The following TLL1 variants were observed in gnomAD, a reference collection of about 807,000 sequenced individuals.
TLL1 encodes tolloid-like protein 1.
In TLL1, 49 loss-of-function variants were observed where a neutral mutation model predicts 128.2. The ratio of observed to expected loss-of-function variants is 0.38; its 90% confidence interval spans 0.30 to 0.48. The LOEUF is 0.48. Among genes scored for constraint, TLL1 ranks in the 20% least tolerant of loss-of-function variants. The pLI, the probability that TLL1 is intolerant of heterozygous loss-of-function variation, is 0.96. For synonymous variants in TLL1, 454 were observed against 418.8 expected (o/e 1.08, Z -1.03); for missense variants, 1,123 against 1,242.0 (o/e 0.90, Z 1.44).
At chr4:165,887,596 T>C (rs914744606) in intron 1 of TLL1, among the ~76,000 whole-genome samples, 5 of 152,300 alleles carry the variant, frequency 3.3e-5, no homozygotes, top group Middle Eastern at 3.4e-3. Context: ...ATACAATCCT[T>C]TATTTGGTAT....
At chr4:165,874,121 G>A (rs113678545) in intron 1 of TLL1, 48 bp downstream of exon 1, 1 of 1,611,156 alleles carries the variant, frequency 6.2e-7, no homozygotes, top group Non-Finnish European at 8.5e-7. Flanking sequence ...GGGCCGCTGC[G>A]CTGGGTTTCC....
intron 5 of TLL1, among the ~76,000 whole-genome samples, chr4:165,997,979 T>A (rs928273010): frequency 6.6e-6 from 1 of 152,196 alleles, no homozygotes; most frequent in African/African-American, 2.4e-5. Flanking sequence ...AGTACAACAG[T>A]ATGAGAGAAC....
At chr4:165,887,380 C>G (rs558102804) in intron 1 of TLL1, among the ~76,000 whole-genome samples, 3 of 151,936 alleles carry the variant, frequency 2.0e-5, no homozygotes, top group Non-Finnish European at 4.4e-5. Context: ...AGGTAAGAGA[C>G]CAGTGACCAG....
chr4:165,968,745 G>GT (rs1010904135), intron 1 of TLL1, among the ~76,000 whole-genome samples: 58 of 151,964 alleles, frequency 3.8e-4, no homozygotes, highest in African/African-American at 7.2e-5. Flanking sequence ...CCAAAATGTC[G>GT]TTTTTTTCTA....
chr4:165,914,576 C>T (rs965679257), intron 1 of TLL1, among the ~76,000 whole-genome samples: 3 of 152,306 alleles, frequency 2.0e-5, no homozygotes, highest in African/African-American at 7.2e-5. Context: ...CACAGTAGCT[C>T]TTTCTTCACA....
At chr4:165,904,414 A>G (rs1051300056) in intron 1 of TLL1, among the ~76,000 whole-genome samples, 1 of 152,068 alleles carries the variant, frequency 6.6e-6, no homozygotes, top group African/African-American at 2.4e-5. Context: ...ATTTGTTCTT[A>G]GTTCTGTGAA....
At chr4:165,945,787 A>G (rs1734216898) in intron 1 of TLL1, among the ~76,000 whole-genome samples, 2 of 152,130 alleles carry the variant, frequency 1.3e-5, no homozygotes, top group South Asian at 4.1e-4. Context: ...ATGTCTTGCC[A>G]CCTCCACCCC....
intron 17 of TLL1, 77 bp from the exon 18 acceptor site, chr4:166,077,826 G>T: frequency 6.2e-7 from 1 of 1,602,172 alleles, no homozygotes; most frequent in Admixed American, 1.7e-5. Flanking sequence ...AGGGCAGTGG[G>T]TAAATAGGCT....
intron 18 of TLL1, among the ~76,000 whole-genome samples, chr4:166,082,867 G>C (rs969648552): frequency 2.0e-5 from 3 of 151,936 alleles, no homozygotes; most frequent in African/African-American, 7.3e-5. Context: ...TGTAGAGTCA[G>C]CGTTTTGCTA....
At chr4:166,093,243 T>C (rs150000167) in intron 19 of TLL1, among the ~76,000 whole-genome samples, 83 of 152,246 alleles carry the variant, frequency 5.5e-4, no homozygotes, top group African/African-American at 1.8e-3. Flanking sequence ...TCAGTTTTTA[T>C]TGATTATTAT....
chr4:165,903,435 C>T (rs1208064513), intron 1 of TLL1, among the ~76,000 whole-genome samples: 1 of 118,766 alleles, frequency 8.4e-6, no homozygotes, highest in African/African-American at 3.3e-5. Flanking sequence ...TTTTTTGAGA[C>T]GGAGTCTCAC....
intron 1 of TLL1, among the ~76,000 whole-genome samples, chr4:165,888,863 G>T (rs1205583531): frequency 6.6e-6 from 1 of 152,176 alleles, no homozygotes; most frequent in Non-Finnish European, 1.5e-5. Context: ...ACACTTTCCA[G>T]CCTGGGTGGG....
In TLL1 at chr4:166,014,467, C is replaced by T. The variant is rs774680698; in HGVS notation, c.949C>T (p.Arg317Cys). The change falls in exon 8 of 21, where the codon CGT becomes TGT. Residue 317 changes from arginine (R) to cysteine (C), a missense_variant. This residue lies in a region of TLL1 where 480 missense variants were observed against 542.4 expected (regional missense o/e 0.89). Transcript: ENST00000061240. ...GMFLDTILPS[R>C]DDNGIRPAIG... ...GTTTCTGGATACCATTCTCCCCTCC[C>T]GTGATGATAATGGCATACGTCCTGC... 13 of 1,612,212 alleles carry T rather than the reference C, an allele frequency of 8.1e-6. No individual in the cohort carries two copies. Among genetic ancestry groups the T allele is most frequent in the Admixed American group, 1.7e-5 (1 of 59,918 alleles).
At chr4:165,942,454 T>G (rs1456493967) in intron 1 of TLL1, among the ~76,000 whole-genome samples, 1 of 151,960 alleles carries the variant, frequency 6.6e-6, no homozygotes, top group Non-Finnish European at 1.5e-5. Flanking sequence ...CAGTTACTGT[T>G]TTGTCTATCT....
At chr4:165,991,012 G>A (rs915676193) in intron 2 of TLL1, among the ~76,000 whole-genome samples, 1 of 151,940 alleles carries the variant, frequency 6.6e-6, no homozygotes, top group Non-Finnish European at 1.5e-5. Context: ...CTGGACAGTA[G>A]AGCAATGATA....
chr4:165,952,640 A>T (rs1316780624), intron 1 of TLL1, among the ~76,000 whole-genome samples: 2 of 152,122 alleles, frequency 1.3e-5, no homozygotes, highest in African/African-American at 4.8e-5. Flanking sequence ...GCCCCAGAAT[A>T]GTGTACTCCT....
intron 1 of TLL1, among the ~76,000 whole-genome samples, chr4:165,916,772 A>C (rs1004648277): frequency 6.6e-6 from 1 of 152,152 alleles, no homozygotes. Flanking sequence ...AGTACCAAAA[A>C]ATCTTCAGAG....
In TLL1 at chr4:166,025,414, G is replaced by A; in HGVS notation, c.1141G>A (p.Val381Met). Reference protein sequence around the residue: ...SYTHCIWRVSVTPGEKIVLNF... With the variant: ...SYTHCIWRVSMTPGEKIVLNF... ...CACACACTGCATCTGGAGAGTTTCT[G>A]TGACCCCAGGGGAGAAGGTAGTTTA... Residue 381 changes from valine (V) to methionine (M), a missense_variant, in exon 9 of 21, where the codon GTG (valine) becomes ATG (methionine). Transcript: ENST00000061240. 1 of 1,612,292 alleles carries A rather than the reference G, an allele frequency of 6.2e-7. No homozygotes were observed. The highest frequency in any genetic ancestry group is 8.5e-7 in the Non-Finnish European group (1 of 1,178,424).
chr4:165,944,398 G>T (rs1051380334), intron 1 of TLL1, among the ~76,000 whole-genome samples: 1 of 152,142 alleles, frequency 6.6e-6, no homozygotes, highest in Non-Finnish European at 1.5e-5. Flanking sequence ...CTTATGCAAA[G>T]TTCCTGAGGC....
Sources: gnomAD v4.1 joint callset for allele counts (sites outside exome capture counted in the v4.1 genomes callset) on GRCh38, gnomAD v4.1.1 for gene constraint, gnomAD v4.1.1 regional missense constraint, MANE v1.5 for transcripts, NCBI Gene and HGNC (gene_info 2026-07-23, HGNC 2026-07-21) for gene names.